LGR4: variants seen among roughly 807,000 people sequenced by gnomAD.
LGR4 encodes the protein leucine-rich repeat-containing G protein-coupled receptor 4.
LGR4 carries 44 observed loss-of-function variants against 84.8 expected under a neutral mutation model. The ratio of observed to expected loss-of-function variants is 0.52; its 90% confidence interval spans 0.41 to 0.67. The LOEUF (loss-of-function observed/expected upper bound fraction) is 0.67, where lower values mean the gene tolerates loss of function less well. Ranked by LOEUF, LGR4 falls within the 30% of genes least tolerant of loss-of-function variation. The pLI is 0.00. For missense variants in LGR4, 1,032 were observed against 1,131.4 expected (o/e 0.91, Z 1.26); for synonymous variants, 429 against 434.3 (o/e 0.99, Z 0.15).
At chr11:27,389,335 C>T (rs1378487523) in intron 4 of LGR4, among the ~76,000 whole-genome samples, 2 of 152,048 alleles carry the variant, frequency 1.3e-5, no homozygotes, top group Non-Finnish European at 2.9e-5. Flanking sequence ...TGTTTTACCT[C>T]CACTCCATAC....
At chr11:27,406,222 A>G (rs191607978) in intron 2 of LGR4, among the ~76,000 whole-genome samples, 1 of 152,200 alleles carries the variant, frequency 6.6e-6, no homozygotes, top group Non-Finnish European at 1.5e-5. Flanking sequence ...TTCCAATTTG[A>G]ATTCCCATAG....
intron 1 of LGR4, among the ~76,000 whole-genome samples, chr11:27,416,246 G>A (rs80045388): frequency 0.028 from 4,286 of 152,216 alleles, 183 homozygotes; most frequent in African/African-American, 0.098. Flanking sequence ...TGGCCTTACT[G>A]GGAGTACGGG....
At chr11:27,395,686 T>G (rs537238965) in intron 2 of LGR4, among the ~76,000 whole-genome samples, 1 of 152,320 alleles carries the variant, frequency 6.6e-6, no homozygotes, top group South Asian at 2.1e-4. Context: ...CACTCTACTT[T>G]GATTACTTAG....
chr11:27,378,924 G>A, intron 10 of LGR4, 156 bp from the exon 11 acceptor site: 1 of 596,216 alleles, frequency 1.7e-6, no homozygotes, highest in Non-Finnish European at 2.9e-6. Context: ...ATGCAAGAAG[G>A]TGAACTGAAC....
chr11:27,380,733 GT>G (rs747375140), intron 8 of LGR4, 22 bp from the exon 9 acceptor site: 1 of 1,538,602 alleles, frequency 6.5e-7, no homozygotes, highest in African/African-American at 1.4e-5. Context: ...TCCAAAAAAA[GT>G]AAAATTTTCA....
chr11:27,459,480 CTTT>C (rs1006316656), intron 1 of LGR4, among the ~76,000 whole-genome samples: 1 of 141,692 alleles, frequency 7.1e-6, no homozygotes. Context: ...AGGGCAAATT[CTTT>C]TTTTTTTTTT....
chr11:27,377,158 A>G lies in LGR4; in HGVS notation c.1109T>C (p.Ile370Thr). 1 of 1,573,098 alleles carries G rather than the reference A, an allele frequency of 6.4e-7. No homozygotes were observed. Among genetic ancestry groups the G allele is most frequent in the African/African-American group, 1.4e-5 (1 of 73,814 alleles). Residue 370 changes from isoleucine to threonine, a missense_variant and splice_region_variant, in exon 12 of 18, where the codon ATT becomes ACT. Transcript: ENST00000379214. The stretch of plus-strand genomic sequence containing the variant: ...AGGAATAAGTCAAAGACCAACTCAC[A>G]TTTCTTCCAGAGCATGGCAACCATT... ...SFNGCHALEE[I>T]SLQRNQIYQI...
chr11:27,406,795 A>G (rs1451926578), intron 2 of LGR4, among the ~76,000 whole-genome samples: 1 of 152,206 alleles, frequency 6.6e-6, no homozygotes, highest in Non-Finnish European at 1.5e-5. Context: ...TTAACTGTGA[A>G]ACATCACCAG....
At chr11:27,451,361 C>T (rs1441222971) in intron 1 of LGR4, among the ~76,000 whole-genome samples, 2 of 152,156 alleles carry the variant, frequency 1.3e-5, no homozygotes, top group Non-Finnish European at 2.9e-5. Flanking sequence ...CAGCGCCAGG[C>T]ACTGCTGAGC....
At position 27,447,769 on chromosome 11, in the gene LGR4, T is replaced by A. The variant is rs567254670; in HGVS notation, c.185+24349A>T. 2.0e-5 allele frequency among the ~76,000 whole-genome samples: 3 copies of A among 152,330 alleles called. No homozygotes were observed. In the East Asian group the frequency reaches 5.8e-4, roughly 29 times the overall value. On this transcript the variant is annotated intron_variant, in intron 1 of 17. Coordinates refer to ENST00000379214, the MANE Select transcript of LGR4 (RefSeq NM_018490.5). Reference sequence around the variant, plus strand: ...TCCTATGACAAAGCATCTAGAAATGTATGTCTATTGTATTCATGGCTGACA... The same window carrying A: ...TCCTATGACAAAGCATCTAGAAATGAATGTCTATTGTATTCATGGCTGACA...
rs777720513 is a variant in LGR4 at position 27,380,347 on chromosome 11, A to C, written c.903-8T>G. The stretch of plus-strand genomic sequence containing the variant: ...CTTGCACCACGAATGACTCTTTATG[A>C]AATTGAGAAAGACAAGGTAATTTTT... On this transcript the variant is annotated splice_region_variant and splice_polypyrimidine_tract_variant and intron_variant, in intron 9 of 17. Coordinates refer to ENST00000379214, the MANE Select transcript of LGR4 (RefSeq NM_018490.5). 1.4e-5 allele frequency: 22 copies of C among 1,597,946 alleles called. No homozygotes were observed. In the South Asian group the frequency reaches 2.4e-4, roughly 17 times the overall value.
rs1345532736 is a variant in LGR4, at chr11:27,472,318, C to T, written c.-16G>A. ...GGCCCGGCATTGCTGCGGCCGCCTC[C>T]CGCGCCGGCCTCTCCCGCGGCGCTG... On this transcript the variant is annotated 5_prime_UTR_variant, in exon 1 of 18. Coordinates refer to ENST00000379214, the MANE Select transcript of LGR4 (RefSeq NM_018490.5). 1.1e-5 allele frequency: 13 copies of T among 1,197,674 alleles called. No homozygotes were observed. Among genetic ancestry groups the T allele is most frequent in the Non-Finnish European group, 1.3e-5 (13 of 966,330 alleles). The allele number at this position is 1,197,674 out of a possible 1,614,324, so 74.2% of individuals were successfully genotyped here. A position where few individuals can be genotyped will look rare whatever the true frequency, so the allele number is the denominator to read the frequency against.
chr11:27,396,585 C>T (rs1008566394), intron 2 of LGR4, among the ~76,000 whole-genome samples: 3 of 151,862 alleles, frequency 2.0e-5, no homozygotes, highest in Non-Finnish European at 4.4e-5. Context: ...GGTGGCTGAT[C>T]CTGAGCAGGA....
intron 1 of LGR4, among the ~76,000 whole-genome samples, chr11:27,461,836 A>ATT (rs35205372): frequency 0.23 from 17,374 of 76,410 alleles, 2,856 homozygotes; most frequent in African/African-American, 0.28. Context: ...TTGAGTTAGG[A>ATT]TTTTTTTTTT....
At chr11:27,382,390 A>T (rs1186571470) in intron 6 of LGR4, 134 bp from the exon 7 acceptor site, 2 of 606,276 alleles carry the variant, frequency 3.3e-6, no homozygotes, top group African/African-American at 3.7e-5. Context: ...CCATATCGTC[A>T]TTCAAAACCA....
At chr11:27,377,883 T>C (rs1157801487) in intron 11 of LGR4, among the ~76,000 whole-genome samples, 2 of 152,278 alleles carry the variant, frequency 1.3e-5, no homozygotes, top group East Asian at 3.9e-4. Context: ...TATGGTCCCA[T>C]AAGAGTATAA....
chr11:27,409,546 G>C (rs1296293287), intron 2 of LGR4, among the ~76,000 whole-genome samples: 1 of 151,978 alleles, frequency 6.6e-6, no homozygotes, highest in Non-Finnish European at 1.5e-5. Context: ...CAGTTATTCA[G>C]GGCAAAAACC....
Position 27,391,123 on chromosome 11 carries a change from G to A in LGR4, c.372C>T (p.Ala124=), listed in dbSNP as rs1175572662. Reference sequence around the variant, plus strand: ...ACTGCAAAGCACTCAGCCCTCGAATGGCTTCACTGGGTACTGTTTTCAACT... The same window carrying A: ...ACTGCAAAGCACTCAGCCCTCGAATAGCTTCACTGGGTACTGTTTTCAACT... ...NNQLKTVPSE[A]IRGLSALQSL... Residue 124 remains alanine, a synonymous_variant, in exon 4 of 18, where the codon GCC becomes GCT. Transcript: ENST00000379214. The A allele has an allele frequency of 6.2e-7, 1 of 1,610,038 alleles. No individual in the cohort carries two copies. The highest frequency in any genetic ancestry group is 1.7e-4 in the Middle Eastern group (1 of 6,028).
intron 1 of LGR4, among the ~76,000 whole-genome samples, chr11:27,445,159 G>A (rs561665825): frequency 1.3e-5 from 2 of 152,182 alleles, no homozygotes; most frequent in South Asian, 4.2e-4. Context: ...TGCTCCCACA[G>A]CCCTTTGTTC....
Sources: gnomAD v4.1 joint callset for allele counts (sites outside exome capture counted in the v4.1 genomes callset) on GRCh38, gnomAD v4.1.1 for gene constraint, MANE v1.5 for transcripts, NCBI Gene and HGNC (gene_info 2026-07-23, HGNC 2026-07-21) for gene names.